Variants in ARHGEF4 observed in about 807,000 individuals in gnomAD.
ARHGEF4 encodes the protein APC-stimulated guanine nucleotide exchange factor 1.
ARHGEF4 carries 119 observed loss-of-function variants against 162.0 expected under a neutral mutation model. The observed-to-expected ratio is 0.73, with a 90% CI of 0.63 to 0.86. The LOEUF (loss-of-function observed/expected upper bound fraction) is 0.86. ARHGEF4 is among the 40% of genes least tolerant of loss of function. The pLI is 0.00. For synonymous variants in ARHGEF4, 1,014 were observed against 979.9 expected (o/e 1.03, Z -0.65); for missense variants, 2,488 against 2,456.0 (o/e 1.01, Z -0.28).
At chr2:130,896,976 C>T (rs1680192300) in intron 1 of ARHGEF4, among the ~76,000 whole-genome samples, 1 of 152,158 alleles carries the variant, frequency 6.6e-6, no homozygotes, top group Admixed American at 6.5e-5. Flanking sequence ...TATTGTTAGT[C>T]TGCCCAGCTG....
intron 1 of ARHGEF4, among the ~76,000 whole-genome samples, chr2:130,881,778 T>C (rs1679205545): frequency 1.3e-5 from 2 of 152,102 alleles, no homozygotes; most frequent in South Asian, 4.1e-4. Flanking sequence ...CAGATGGTGA[T>C]GCCACGTGCA....
intron 4 of ARHGEF4, among the ~76,000 whole-genome samples, chr2:130,956,040 G>A (rs1433499576): frequency 6.6e-6 from 1 of 152,200 alleles, no homozygotes; most frequent in African/African-American, 2.4e-5. Context: ...AGCCCTTGGG[G>A]AGGGAGAGCA....
chr2:130,982,703 A>T (rs539070852), intron 4 of ARHGEF4, among the ~76,000 whole-genome samples: 1 of 151,992 alleles, frequency 6.6e-6, no homozygotes, highest in African/African-American at 2.4e-5. Context: ...TTTTCTTTAT[A>T]ACCTTCCTTA....
Position 130,918,832 on chromosome 2 carries a change from TG to T in ARHGEF4, c.3552+1340del, listed in dbSNP as rs1180055042. Among the ~76,000 whole-genome samples, 6 of 152,316 alleles carry T rather than the reference TG, an allele frequency of 3.9e-5. No homozygotes were observed. The South Asian group carries it at 8.3e-4, about 21-fold the overall frequency. On this transcript the variant is annotated intron_variant, in intron 2 of 13. Transcript: ENST00000409359. Reference sequence around the variant, plus strand: ...AAACACTAAAGGTTTTTTGTTGTTTTGGGGGGAGGGTTACTTTTTTTCGTTA... The same window carrying T: ...AAACACTAAAGGTTTTTTGTTGTTTTGGGGGAGGGTTACTTTTTTTCGTTA...
chr2:131,041,677 C>A, intron 9 of ARHGEF4, 138 bp from the exon 10 acceptor site: 3 of 1,262,154 alleles, frequency 2.4e-6, no homozygotes, highest in Non-Finnish European at 3.3e-6. Flanking sequence ...AAGAGAGGGG[C>A]TGTGCATCTG....
intron 2 of ARHGEF4, among the ~76,000 whole-genome samples, chr2:130,926,809 G>GTTTTT (rs1559044315): frequency 5.1e-4 from 7 of 13,830 alleles, no homozygotes; most frequent in Non-Finnish European, 1.1e-3. Flanking sequence ...ACTTCTGGCT[G>GTTTTT]ATTTTTTTTT....
chr2:130,925,077 TGTGC>T (rs776856017), intron 2 of ARHGEF4, among the ~76,000 whole-genome samples: 1 of 134,416 alleles, frequency 7.4e-6, no homozygotes, highest in Non-Finnish European at 1.6e-5. Context: ...TGTGTGTGTG[TGTGC>T]GTCTGAGAGA....
At chr2:130,945,585 T>C (rs1683562546) in intron 3 of ARHGEF4, among the ~76,000 whole-genome samples, 1 of 152,310 alleles carries the variant, frequency 6.6e-6, no homozygotes, top group East Asian at 1.9e-4. Flanking sequence ...GAGTCCTTTA[T>C]GTCCATGCCC....
intron 1 of ARHGEF4, among the ~76,000 whole-genome samples, chr2:130,870,074 C>T (rs977613138): frequency 6.6e-6 from 1 of 152,250 alleles, no homozygotes; most frequent in African/African-American, 2.4e-5. Context: ...GAACGTCTCC[C>T]TGCCACTGAG....
intron 4 of ARHGEF4, among the ~76,000 whole-genome samples, chr2:130,965,680 CCTTT>C (rs1378844183): frequency 6.6e-6 from 1 of 152,222 alleles, no homozygotes; most frequent in Non-Finnish European, 1.5e-5. Flanking sequence ...GACACCTCCT[CCTTT>C]CTTTCTTCCT....
At chr2:130,995,186 T>G (rs1398657364) in intron 4 of ARHGEF4, among the ~76,000 whole-genome samples, 2 of 152,268 alleles carry the variant, frequency 1.3e-5, no homozygotes, top group Non-Finnish European at 2.9e-5. Context: ...TGAATGAATG[T>G]GCAGCATCTC....
rs115508375 is a variant in ARHGEF4, at chr2:130,882,246, G to A, written c.40-31740G>A. 4.7e-4 allele frequency among the ~76,000 whole-genome samples: 72 copies of A among 152,234 alleles called. 1 individual carries two copies. Among genetic ancestry groups the A allele is most frequent in the African/African-American group, 1.7e-3 (70 of 41,478 alleles). On this transcript the variant is annotated intron_variant, in intron 1 of 13. Transcript: ENST00000409359. ...GAAGCAACAGGTGTGGTTGCCCATG[G>A]CTAGGCTGGGCCCAGGAGGGCCTGT...
intron 4 of ARHGEF4, among the ~76,000 whole-genome samples, chr2:131,024,815 T>C (rs1689373395): frequency 6.6e-6 from 1 of 152,104 alleles, no homozygotes; most frequent in South Asian, 2.1e-4. Context: ...AGTGGCCACA[T>C]GTTGAGAACT....
At chr2:130,851,562 C>T (rs1681417100) in intron 1 of ARHGEF4, among the ~76,000 whole-genome samples, 1 of 152,236 alleles carries the variant, frequency 6.6e-6, no homozygotes, top group East Asian at 1.9e-4. Context: ...TGCACATGGT[C>T]TCTATCCGAG....
At chr2:130,954,421 G>T (rs972698755) in intron 4 of ARHGEF4, among the ~76,000 whole-genome samples, 2 of 152,134 alleles carry the variant, frequency 1.3e-5, no homozygotes, top group Non-Finnish European at 2.9e-5. Context: ...CAGGGGGAGG[G>T]ATAGCATTAG....
chr2:130,993,757 C>G (rs545954941), intron 4 of ARHGEF4, among the ~76,000 whole-genome samples: 2 of 151,996 alleles, frequency 1.3e-5, no homozygotes, highest in South Asian at 2.1e-4. Context: ...TAGGACATAT[C>G]TTTTTTGGTT....
At chr2:130,963,161 G>A (rs1036075090) in intron 4 of ARHGEF4, among the ~76,000 whole-genome samples, 24 of 152,178 alleles carry the variant, frequency 1.6e-4, no homozygotes, top group African/African-American at 5.5e-4. Flanking sequence ...TGTAAAACCC[G>A]GTCACTGAAC....
intron 4 of ARHGEF4, among the ~76,000 whole-genome samples, chr2:130,977,511 T>C (rs1233592622): frequency 6.6e-6 from 1 of 152,004 alleles, no homozygotes; most frequent in Admixed American, 6.6e-5. Flanking sequence ...GATGTGTATG[T>C]ATGTTGTGCA....
At chr2:130,971,054 T>G (rs578099596) in intron 4 of ARHGEF4, among the ~76,000 whole-genome samples, 2 of 152,334 alleles carry the variant, frequency 1.3e-5, no homozygotes, top group East Asian at 3.9e-4. Context: ...TTTTATATTT[T>G]GTACTTAGAT....
Sources: gnomAD v4.1 joint callset for allele counts (sites outside exome capture counted in the v4.1 genomes callset) on GRCh38, gnomAD v4.1.1 for gene constraint, MANE v1.5 for transcripts, NCBI Gene and HGNC (gene_info 2026-07-23, HGNC 2026-07-21) for gene names.